Variants in DDX46 observed in about 807,000 individuals in gnomAD.
DDX46 encodes the protein DEAD-box helicase 46.
A neutral mutation model predicts 134.9 loss-of-function variants in DDX46; 30 were observed. That is an observed-to-expected ratio of 0.22 (90% CI 0.17 to 0.30). The LOEUF (loss-of-function observed/expected upper bound fraction) is 0.30. Among genes scored for constraint, DDX46 ranks in the 10% least tolerant of loss-of-function variants. The probability of loss-of-function intolerance (pLI) is 1.00; values close to 1 mark genes in which losing one functional copy is unlikely to be tolerated. For synonymous variants in DDX46, 415 were observed against 404.1 expected, an observed-to-expected ratio of 1.03 and a Z score of -0.32; for missense variants, 622 against 1,248.7, an observed-to-expected ratio of 0.50 and a Z score of 7.56.
chr5:134,798,101 C>T (rs911023401), intron 15 of DDX46, among the ~76,000 whole-genome samples: 8 of 152,086 alleles, frequency 5.3e-5, no homozygotes, highest in Admixed American at 1.3e-4. Flanking sequence ...CGTGAGCCAC[C>T]GTGCCCGGCC....
At chr5:134,796,604 G>A (rs1269680510) in intron 15 of DDX46, among the ~76,000 whole-genome samples, 1 of 152,210 alleles carries the variant, frequency 6.6e-6, no homozygotes, top group East Asian at 1.9e-4. Flanking sequence ...TGTAATCCTA[G>A]CACTTGGAGA....
chr5:134,799,845 G>T (rs1676493229), intron 15 of DDX46, among the ~76,000 whole-genome samples: 1 of 151,988 alleles, frequency 6.6e-6, no homozygotes, highest in African/African-American at 2.4e-5. Context: ...AGGAGTTCGA[G>T]GCCAGTCTGG....
intron 3 of DDX46, among the ~76,000 whole-genome samples, chr5:134,769,011 T>C (rs112427147): frequency 1.3e-5 from 2 of 152,208 alleles, no homozygotes; most frequent in African/African-American, 4.8e-5. Context: ...TGAGCCGAGA[T>C]TGCGCCACTG....
rs1755609437 is a variant in DDX46, at chr5:134,827,037, A to C, written c.3051+17A>C. The C allele has an allele frequency of 2.5e-6, 4 of 1,603,752 alleles. No individual in the cohort carries two copies. Among genetic ancestry groups the C allele is most frequent in the Non-Finnish European group, 3.4e-6 (4 of 1,175,520 alleles). On this transcript the variant is annotated intron_variant, in intron 22 of 22. Coordinates refer to ENST00000452510, the MANE Select transcript of DDX46 (RefSeq NM_001300860.2). ...ATCCGGCTGGTGAGTGAAAACCTTAAAGTTTCGTTTGTTTTGTTTTAATAA... is the reference window on the plus strand; with the variant it reads ...ATCCGGCTGGTGAGTGAAAACCTTACAGTTTCGTTTGTTTTGTTTTAATAA...
chr5:134,762,383 A>G (rs959100662), intron 1 of DDX46, among the ~76,000 whole-genome samples: 5 of 152,124 alleles, frequency 3.3e-5, no homozygotes, highest in African/African-American at 1.2e-4. Context: ...GAGCTGCTGC[A>G]TTCCAGCCTG....
intron 13 of DDX46, among the ~76,000 whole-genome samples, chr5:134,791,240 A>C (rs1167959662): frequency 1.3e-5 from 2 of 152,194 alleles, no homozygotes; most frequent in Non-Finnish European, 2.9e-5. Flanking sequence ...GGCCCAAAGA[A>C]TTTATCTAGC....
intron 20 of DDX46, 29 bp downstream of exon 20, chr5:134,817,743 T>A (rs1221367720): frequency 6.3e-7 from 1 of 1,583,004 alleles, no homozygotes; most frequent in Non-Finnish European, 8.6e-7. Context: ...CCTTTTTTTA[T>A]TGTGAAGTAG....
At chr5:134,809,319 A>G (rs1755074363) in intron 16 of DDX46, among the ~76,000 whole-genome samples, 1 of 152,164 alleles carries the variant, frequency 6.6e-6, no homozygotes, top group African/African-American at 2.4e-5. Flanking sequence ...CCGTAGGAGT[A>G]CAAAAGCAGA....
At chr5:134,822,237 G>A (rs1195017128) in intron 21 of DDX46, among the ~76,000 whole-genome samples, 1 of 152,094 alleles carries the variant, frequency 6.6e-6, no homozygotes. Context: ...TCATAACAAC[G>A]TAGTTCAATT....
At chr5:134,777,259 T>C (rs575561684) in intron 5 of DDX46, among the ~76,000 whole-genome samples, 2 of 152,378 alleles carry the variant, frequency 1.3e-5, no homozygotes, top group East Asian at 3.9e-4. Flanking sequence ...TAGTTCTGCA[T>C]CCAGCTGTAT....
At chr5:134,759,778 A>G (rs1753320829) in intron 1 of DDX46, among the ~76,000 whole-genome samples, 1 of 152,246 alleles carries the variant, frequency 6.6e-6, no homozygotes, top group Non-Finnish European at 1.5e-5. Flanking sequence ...GTAAAGCTTG[A>G]TGAAATTTAG....
At chr5:134,787,395 T>C (rs1754370917) in intron 11 of DDX46, among the ~76,000 whole-genome samples, 1 of 152,232 alleles carries the variant, frequency 6.6e-6, no homozygotes, top group African/African-American at 2.4e-5. Context: ...AATAAGCTAA[T>C]GTATATTGTG....
intron 19 of DDX46, 142 bp from the exon 20 acceptor site, chr5:134,817,354 T>A: frequency 4.1e-6 from 3 of 736,362 alleles, no homozygotes; most frequent in Non-Finnish European, 4.3e-6. Flanking sequence ...ATCACACATA[T>A]CAATGAGACT....
chr5:134,810,777 G>A (rs1007379475), intron 16 of DDX46, among the ~76,000 whole-genome samples: 1 of 151,636 alleles, frequency 6.6e-6, no homozygotes, highest in Non-Finnish European at 1.5e-5. Flanking sequence ...AGGCCAAGGC[G>A]GGCGGATCAC....
chr5:134,759,015 G>A, intron 1 of DDX46, 60 bp downstream of exon 1: 2 of 1,597,960 alleles, frequency 1.3e-6, no homozygotes, highest in Non-Finnish European at 1.7e-6. Flanking sequence ...GTGAGAAGAG[G>A]CGGGAGTTGA....
rs188394426 is a variant in DDX46, at chr5:134,815,138, A to G, written c.2437-1292A>G. On this transcript the variant is annotated intron_variant, in intron 18 of 22. Transcript: ENST00000452510. ...GCTAGTGCACGCTGTGGTCCTAGCT[A>G]CTTGGGAGGCCGAGATATGAGGAAC... Among the ~76,000 whole-genome samples, 53 of 152,322 alleles carry G rather than the reference A, an allele frequency of 3.5e-4. No individual in the cohort carries two copies. In the East Asian group the frequency reaches 9.4e-3, roughly 27 times the overall value.
At chr5:134,772,664 C>T (rs1753810199) in intron 4 of DDX46, among the ~76,000 whole-genome samples, 1 of 152,102 alleles carries the variant, frequency 6.6e-6, no homozygotes, top group South Asian at 2.1e-4. Flanking sequence ...CCACCACGCC[C>T]AGCTAATTTT....
rs1445636384 is a variant in DDX46 at position 134,829,736 on chromosome 5, A to G, written c.*1030A>G. 6.6e-6 allele frequency: 1 copy of G among 152,116 alleles called. No homozygotes were observed. Among genetic ancestry groups the G allele is most frequent in the African/African-American group, 2.4e-5 (1 of 41,418 alleles). 9.4% of individuals were successfully genotyped at this position (152,116 alleles called of 1,614,324 possible). A position where few individuals can be genotyped will look rare whatever the true frequency, so the allele number is the denominator to read the frequency against. On this transcript the variant is annotated 3_prime_UTR_variant, in exon 23 of 23. Transcript: ENST00000452510. Reference sequence around the variant, plus strand: ...CAATTTGGGAGGCCGAGGTGGGCAGATCACTTGAGGTCAGGAGTTCAAGAC... The same window carrying G: ...CAATTTGGGAGGCCGAGGTGGGCAGGTCACTTGAGGTCAGGAGTTCAAGAC...
chr5:134,817,270 T>C (rs1755310875), intron 19 of DDX46: 1 of 488,396 alleles, frequency 2.0e-6, no homozygotes, highest in Non-Finnish European at 3.6e-6. Flanking sequence ...GAATATTTAA[T>C]AGAGTTGAAT....
Sources: allele counts gnomAD v4.1 joint callset (sites outside exome capture counted in the v4.1 genomes callset), GRCh38; gene constraint gnomAD v4.1.1; transcripts MANE v1.5; gene names NCBI Gene and HGNC (gene_info 2026-07-23, HGNC 2026-07-21).